Variants in TBL1XR1 observed in about 807,000 individuals in gnomAD.
The protein encoded by TBL1XR1 is TBL1X/Y related 1, also known as F-box-like/WD repeat-containing protein TBL1XR1.
A neutral mutation model predicts 66.9 loss-of-function variants in TBL1XR1; 5 were observed. The ratio of observed to expected loss-of-function variants is 0.07; its 90% confidence interval spans 0.04 to 0.16. The LOEUF is 0.16. Ranked by LOEUF, TBL1XR1 falls within the 10% of genes least tolerant of loss-of-function variation. The pLI is 1.00. For missense variants in TBL1XR1, 238 were observed against 623.2 expected, an observed-to-expected ratio of 0.38 and a Z score of 6.58; for synonymous variants, 210 against 206.0, an observed-to-expected ratio of 1.02 and a Z score of -0.17.
chr3:177,186,774 C>A (rs1735463720), intron 1 of TBL1XR1, among the ~76,000 whole-genome samples: 1 of 152,118 alleles, frequency 6.6e-6, no homozygotes, highest in African/African-American at 2.4e-5. Context: ...CCATATAGAT[C>A]CCCGTCAAAA....
chr3:177,141,853 T>A (rs1729669306), intron 1 of TBL1XR1, among the ~76,000 whole-genome samples: 1 of 152,172 alleles, frequency 6.6e-6, no homozygotes, highest in Non-Finnish European at 1.5e-5. Flanking sequence ...ATATATACAG[T>A]GAAACATTAA....
Position 177,155,794 on chromosome 3 carries a change from G to C in TBL1XR1, c.-122+41327C>G, listed in dbSNP as rs562509653. ...ACTCCGGGAAGAGGGCGGATCCCCT[G>C]AGGTCAGGAGTTCGAGACCAGCCTG... On this transcript the variant is annotated intron_variant, in intron 1 of 15. Transcript: ENST00000457928. Among the ~76,000 whole-genome samples the C allele has an allele frequency of 9.2e-5, 14 of 152,250 alleles. No individual in the cohort carries two copies. In the South Asian group the frequency reaches 2.5e-3, roughly 27 times the overall value.
At chr3:177,075,076 T>C (rs950124859) in intron 2 of TBL1XR1, among the ~76,000 whole-genome samples, 1 of 152,248 alleles carries the variant, frequency 6.6e-6, no homozygotes, top group Non-Finnish European at 1.5e-5. Context: ...CACTTAAAAT[T>C]ACAACAGAAA....
chr3:177,103,565 G>A (rs1724494778), intron 1 of TBL1XR1, among the ~76,000 whole-genome samples: 2 of 152,052 alleles, frequency 1.3e-5, no homozygotes, highest in South Asian at 4.1e-4. Context: ...CTAAAGAAAA[G>A]CAAATGATAT....
At chr3:177,139,906 G>A (rs1209837444) in intron 1 of TBL1XR1, among the ~76,000 whole-genome samples, 1 of 152,122 alleles carries the variant, frequency 6.6e-6, no homozygotes, top group Admixed American at 6.5e-5. Context: ...TGCCAAGAAA[G>A]CTTCCAGAAC....
intron 7 of TBL1XR1, among the ~76,000 whole-genome samples, chr3:177,049,260 G>C (rs1030580127): frequency 6.6e-6 from 1 of 152,134 alleles, no homozygotes; most frequent in African/African-American, 2.4e-5. Flanking sequence ...TTCATTTGCT[G>C]AGCAAAGAAC....
intron 12 of TBL1XR1, among the ~76,000 whole-genome samples, chr3:177,034,994 T>C (rs925805269): frequency 6.6e-6 from 1 of 152,038 alleles, no homozygotes; most frequent in African/African-American, 2.4e-5. Context: ...GTTATCTCCT[T>C]AACACATACA....
intron 1 of TBL1XR1, among the ~76,000 whole-genome samples, chr3:177,178,904 G>A (rs944458312): frequency 4.6e-5 from 7 of 152,200 alleles, no homozygotes; most frequent in Non-Finnish European, 1.0e-4. Context: ...GATCACCTGA[G>A]ATCAGGAGAT....
chr3:177,097,374 ATTT>A (rs1480734206), intron 2 of TBL1XR1, among the ~76,000 whole-genome samples: 4 of 152,174 alleles, frequency 2.6e-5, no homozygotes, highest in Admixed American at 2.6e-4. Flanking sequence ...TCGGTAAGAA[ATTT>A]TTTTTAAGAG....
intron 2 of TBL1XR1, among the ~76,000 whole-genome samples, chr3:177,079,163 G>A (rs1300749121): frequency 2.0e-5 from 3 of 152,136 alleles, no homozygotes; most frequent in East Asian, 1.9e-4. Context: ...CGGGTGCGGT[G>A]GCTCACACCT....
chr3:177,058,402 C>T (rs960446244), intron 3 of TBL1XR1, among the ~76,000 whole-genome samples: 3 of 152,098 alleles, frequency 2.0e-5, no homozygotes, highest in African/African-American at 4.8e-5. Flanking sequence ...TATAAAATTT[C>T]GTGCCCTAAT....
chr3:177,098,257 C>A (rs1282666132), intron 2 of TBL1XR1, among the ~76,000 whole-genome samples: 2 of 151,672 alleles, frequency 1.3e-5, no homozygotes, highest in Non-Finnish European at 2.9e-5. Context: ...TCAAAAGTAG[C>A]AATTTTTCCT....
intron 5 of TBL1XR1, 60 bp from the exon 6 acceptor site, chr3:177,050,670 G>A: frequency 6.3e-7 from 1 of 1,592,294 alleles, no homozygotes; most frequent in Non-Finnish European, 8.6e-7. Context: ...ATGGTGGATG[G>A]GTGATTTCTT....
upstream of TBL1XR1, among the ~76,000 whole-genome samples, chr3:177,198,636 TGTATA>T (rs1211526111): frequency 6.6e-6 from 1 of 152,196 alleles, no homozygotes; most frequent in Non-Finnish European, 1.5e-5. Flanking sequence ...TTTAGAGCTT[TGTATA>T]AGCTCAGGAC....
chr3:177,173,176 A>C (rs879533548), intron 1 of TBL1XR1, among the ~76,000 whole-genome samples: 1 of 152,166 alleles, frequency 6.6e-6, no homozygotes, highest in Non-Finnish European at 1.5e-5. Flanking sequence ...AACAAGAGCA[A>C]AACTCCATCT....
chr3:177,098,410 A>C, intron 2 of TBL1XR1, 56 bp downstream of exon 2: 3 of 941,942 alleles, frequency 3.2e-6, no homozygotes, highest in Non-Finnish European at 3.8e-6. Flanking sequence ...AATTCTCAAA[A>C]GATTCTAAAA....
At chr3:177,093,021 A>G (rs960307191) in intron 2 of TBL1XR1, among the ~76,000 whole-genome samples, 17 of 152,162 alleles carry the variant, frequency 1.1e-4, no homozygotes, top group African/African-American at 4.1e-4. Context: ...GAGGAAGGCA[A>G]ACTGTTGCTG....
intron 3 of TBL1XR1, among the ~76,000 whole-genome samples, chr3:177,063,712 T>TA (rs1243838320): frequency 2.0e-5 from 3 of 152,184 alleles, no homozygotes; most frequent in African/African-American, 7.2e-5. Context: ...TCTACCAGTT[T>TA]AAACAAAGAA....
chr3:177,131,458 T>C (rs930760605), intron 1 of TBL1XR1: 2 of 906,040 alleles, frequency 2.2e-6, no homozygotes, highest in Non-Finnish European at 2.6e-6. Context: ...ACCTAAAAGT[T>C]GAGAAAACAA....
Sources: allele counts gnomAD v4.1 joint callset (sites outside exome capture counted in the v4.1 genomes callset), GRCh38; gene constraint gnomAD v4.1.1; transcripts MANE v1.5; gene names NCBI Gene and HGNC (gene_info 2026-07-23, HGNC 2026-07-21).